Variants in SLC13A3 observed in about 807,000 individuals in gnomAD.
SLC13A3 encodes Na(+)/dicarboxylate cotransporter 3.
In SLC13A3, 40 loss-of-function variants were observed where a neutral mutation model predicts 59.0. That is an observed-to-expected ratio of 0.68 (90% CI 0.53 to 0.88). SLC13A3 has a LOEUF of 0.88. SLC13A3 is among the 40% of genes least tolerant of loss of function. The pLI is 0.00. For missense variants in SLC13A3, 699 were observed against 783.2 expected (o/e 0.89, Z 1.28); for synonymous variants, 317 against 330.3 (o/e 0.96, Z 0.44).
At chr20:46,665,563 G>A (rs1489425878) in intron 1 of SLC13A3, among the ~76,000 whole-genome samples, 2 of 152,170 alleles carry the variant, frequency 1.3e-5, no homozygotes, top group Non-Finnish European at 2.9e-5. Context: ...CTCTGTCACA[G>A]CACGCATTGG....
At chr20:46,651,778 G>A (rs1451503379), upstream of SLC13A3, among the ~76,000 whole-genome samples, 1 of 152,192 alleles carries the variant, frequency 6.6e-6, no homozygotes, top group African/African-American at 2.4e-5. Flanking sequence ...ATTAAGGCGC[G>A]TACTCCTATT....
At chr20:46,645,357 G>T (rs1037847043) in intron 1 of SLC13A3, among the ~76,000 whole-genome samples, 1 of 152,160 alleles carries the variant, frequency 6.6e-6, no homozygotes, top group East Asian at 1.9e-4. Context: ...TTAGGACACC[G>T]ACACCTTTGG....
intron 1 of SLC13A3, among the ~76,000 whole-genome samples, chr20:46,657,557 C>A (rs547310725): frequency 6.6e-6 from 1 of 152,056 alleles, no homozygotes; most frequent in Non-Finnish European, 1.5e-5. Context: ...TACTACAAGA[C>A]GAAAGTAGAA....
chr20:46,619,006 G>T (rs1028629550), intron 1 of SLC13A3, among the ~76,000 whole-genome samples: 3 of 152,192 alleles, frequency 2.0e-5, no homozygotes, highest in Admixed American at 6.5e-5. Flanking sequence ...ACTGCTGCTG[G>T]TAGTAACCTC....
At chr20:46,584,060 G>C in intron 8 of SLC13A3, 2 of 985,250 alleles carry the variant, frequency 2.0e-6, no homozygotes, top group Non-Finnish European at 2.4e-6. Flanking sequence ...ATCCCTCCTG[G>C]GATGGGCAGC....
chr20:46,563,667 A>G, intron 11 of SLC13A3, 116 bp from the exon 12 acceptor site: 1 of 1,101,906 alleles, frequency 9.1e-7, no homozygotes, highest in Non-Finnish European at 1.3e-6. Context: ...ACGTAGAGAC[A>G]GAGAGACAAA....
intron 6 of SLC13A3, among the ~76,000 whole-genome samples, chr20:46,591,193 T>TAAAC (rs200665929): frequency 2.1e-3 from 294 of 141,010 alleles, no homozygotes; most frequent in South Asian, 5.7e-3. Flanking sequence ...AATAAATAAA[T>TAAAC]AAACAAACAA....
At chr20:46,658,659 A>T (rs1156733116) in intron 1 of SLC13A3, among the ~76,000 whole-genome samples, 1 of 152,184 alleles carries the variant, frequency 6.6e-6, no homozygotes, top group Admixed American at 6.5e-5. Flanking sequence ...CTAATTTTTT[A>T]AATAAATTGT....
chr20:46,597,449 T>C (rs139246771), intron 4 of SLC13A3, among the ~76,000 whole-genome samples: 2 of 152,224 alleles, frequency 1.3e-5, no homozygotes, highest in African/African-American at 2.4e-5. Flanking sequence ...TTATTTTTCA[T>C]TTTTGAGACA....
At chr20:46,684,414 A>T (rs1216664530) in exon 1 of SLC13A3, 1 of 152,202 alleles carries the variant, frequency 6.6e-6, no homozygotes, top group Non-Finnish European at 1.5e-5. Flanking sequence ...ATGGCTGGGG[A>T]TGCCTCAGAA....
At chr20:46,600,250 G>GAGGA (rs750782174) in intron 3 of SLC13A3, among the ~76,000 whole-genome samples, 209 of 133,888 alleles carry the variant, frequency 1.6e-3, no homozygotes, top group African/African-American at 3.0e-3. Context: ...GAGAGAGATG[G>GAGGA]AGGAAGGAAG....
chr20:46,649,783 T>C (rs1487502574), intron 1 of SLC13A3, among the ~76,000 whole-genome samples: 3 of 152,248 alleles, frequency 2.0e-5, no homozygotes, highest in East Asian at 1.9e-4. Flanking sequence ...CCTTCTTCCA[T>C]CATTTATTGT....
At chr20:46,612,440 C>T (rs552969963) in intron 2 of SLC13A3, among the ~76,000 whole-genome samples, 2 of 152,038 alleles carry the variant, frequency 1.3e-5, no homozygotes, top group Non-Finnish European at 2.9e-5. Flanking sequence ...CCGGCAAGAT[C>T]CCTGATATTT....
At chr20:46,669,113 C>G (rs559900249) in intron 1 of SLC13A3, among the ~76,000 whole-genome samples, 2 of 152,334 alleles carry the variant, frequency 1.3e-5, no homozygotes, top group Non-Finnish European at 2.9e-5. Flanking sequence ...ATACACACTG[C>G]TACTCCCATA....
intron 5 of SLC13A3, 126 bp from the exon 6 acceptor site, chr20:46,592,655 G>C: frequency 1.1e-6 from 1 of 949,684 alleles, no homozygotes; most frequent in Non-Finnish European, 1.6e-6. Context: ...GGAAGTCTTG[G>C]GAACAGTGTT....
rs1222051320 is a variant in SLC13A3, at chr20:46,610,582, G to A, written c.405C>T (p.Thr135=). 2 of 1,613,924 alleles carry A rather than the reference G, an allele frequency of 1.2e-6. No homozygotes were observed. Among genetic ancestry groups the A allele is most frequent in the Admixed American group, 1.7e-5 (1 of 59,998 alleles). Residue 135 remains threonine, a synonymous_variant, in exon 3 of 13, where the codon ACC becomes ACT. Transcript: ENST00000279027. Reference sequence around the variant, plus strand: ...TGCTCAGCCACATGGACAAGAACGAGGTGGTCACCATCATCCCCAGGATGA... The same window carrying A: ...TGCTCAGCCACATGGACAAGAACGAAGTGGTCACCATCATCCCCAGGATGA... The part of the protein sequence containing the change: ...ARLILGMMVT[T]SFLSMWLSNT...
intron 1 of SLC13A3, among the ~76,000 whole-genome samples, chr20:46,629,828 C>G (rs2122806407): frequency 6.6e-6 from 1 of 152,280 alleles, no homozygotes; most frequent in African/African-American, 2.4e-5. Context: ...ATACATTTCA[C>G]CGAAAAATAT....
At chr20:46,630,979 AGCTCAATACATAT>A (rs1303585083) in intron 1 of SLC13A3, among the ~76,000 whole-genome samples, 1 of 152,246 alleles carries the variant, frequency 6.6e-6, no homozygotes, top group Admixed American at 6.5e-5. Context: ...TACATACAGT[AGCTCAATACATAT>A]GATATATTGT....
chr20:46,585,778 TA>T, intron 8 of SLC13A3: 3 of 1,280,946 alleles, frequency 2.3e-6, no homozygotes, highest in South Asian at 1.3e-5. Flanking sequence ...TTTAGAAAAA[TA>T]AAAAAATGGT....
Sources: allele counts gnomAD v4.1 joint callset (sites outside exome capture counted in the v4.1 genomes callset), GRCh38; gene constraint gnomAD v4.1.1; transcripts MANE v1.5; gene names NCBI Gene and HGNC (gene_info 2026-07-23, HGNC 2026-07-21).